The following CALN1 variants were observed in gnomAD, a reference collection of about 807,000 sequenced individuals.
CALN1 encodes the protein calneuron 1.
In CALN1, 17 loss-of-function variants were observed where a neutral mutation model predicts 30.6. The ratio of observed to expected loss-of-function variants is 0.56; its 90% CI spans 0.38 to 0.83. The LOEUF is 0.83. CALN1 is among the 40% of genes least tolerant of loss of function. The probability of loss-of-function intolerance (pLI) is 0.00; values close to 1 mark genes in which losing one functional copy is unlikely to be tolerated. For missense variants in CALN1, 291 were observed against 354.9 expected, an observed-to-expected ratio of 0.82 and a Z score of 1.45; for synonymous variants, 156 against 131.4, an observed-to-expected ratio of 1.19 and a Z score of -1.28.
chr7:72,018,877 C>T (rs1295044398), intron 5 of CALN1, among the ~76,000 whole-genome samples: 1 of 152,116 alleles, frequency 6.6e-6, no homozygotes, highest in Non-Finnish European at 1.5e-5. Flanking sequence ...TGCTCTGTCA[C>T]CCAGGCTGGA....
chr7:72,273,107 G>A (rs768660873), intron 3 of CALN1, among the ~76,000 whole-genome samples: 1 of 151,204 alleles, frequency 6.6e-6, no homozygotes, highest in African/African-American at 2.4e-5. Flanking sequence ...AACTGGAGAC[G>A]GCATGCATAT....
chr7:72,375,854 T>TA (rs1804526797), intron 2 of CALN1, among the ~76,000 whole-genome samples: 1 of 152,190 alleles, frequency 6.6e-6, no homozygotes, highest in African/African-American at 2.4e-5. Context: ...GTATAACTAT[T>TA]ACAACTATCT....
At chr7:72,130,288 G>T (rs1809046387) in intron 3 of CALN1, among the ~76,000 whole-genome samples, 1 of 152,186 alleles carries the variant, frequency 6.6e-6, no homozygotes, top group African/African-American at 2.4e-5. Context: ...TGGACTAAGA[G>T]CTGTTAAAAG....
intron 3 of CALN1, among the ~76,000 whole-genome samples, chr7:72,175,271 C>T (rs1789269073): frequency 6.6e-6 from 1 of 152,162 alleles, no homozygotes; most frequent in Non-Finnish European, 1.5e-5. Context: ...GACAGGGTTT[C>T]ACCGTGTTAG....
intron 5 of CALN1, among the ~76,000 whole-genome samples, chr7:71,866,475 A>G (rs1339036127): frequency 6.6e-6 from 1 of 152,150 alleles, no homozygotes; most frequent in Non-Finnish European, 1.5e-5. Flanking sequence ...ATGGAACTGT[A>G]AAGTAAGTAG....
intron 5 of CALN1, among the ~76,000 whole-genome samples, chr7:71,929,499 G>A (rs1256626152): frequency 6.6e-6 from 1 of 152,158 alleles, no homozygotes; most frequent in Non-Finnish European, 1.5e-5. Context: ...TGTATTCCAT[G>A]GTGTATATGT....
At chr7:72,269,725 A>C (rs1012710884) in intron 3 of CALN1, among the ~76,000 whole-genome samples, 2 of 152,232 alleles carry the variant, frequency 1.3e-5, no homozygotes, top group African/African-American at 4.8e-5. Flanking sequence ...CACTCTTCAG[A>C]GAAAGATAAC....
chr7:72,099,613 T>C (rs1806500459), intron 4 of CALN1, among the ~76,000 whole-genome samples: 1 of 152,126 alleles, frequency 6.6e-6, no homozygotes, highest in Non-Finnish European at 1.5e-5. Context: ...CACTTCAACC[T>C]CAGACTGGGC....
At chr7:72,101,527 C>T (rs137954035) in intron 4 of CALN1, among the ~76,000 whole-genome samples, 1 of 152,234 alleles carries the variant, frequency 6.6e-6, no homozygotes, top group Non-Finnish European at 1.5e-5. Flanking sequence ...GGAGAACAAG[C>T]TGAGAACCGC....
At chr7:72,119,425 C>CG (rs1808223537) in intron 3 of CALN1, among the ~76,000 whole-genome samples, 1 of 151,976 alleles carries the variant, frequency 6.6e-6, no homozygotes, top group South Asian at 2.1e-4. Context: ...AACCTCCCAC[C>CG]GGGTCCCTCC....
intron 2 of CALN1, among the ~76,000 whole-genome samples, chr7:72,328,925 G>A (rs1321389928): frequency 1.3e-5 from 2 of 152,254 alleles, no homozygotes; most frequent in African/African-American, 4.8e-5. Flanking sequence ...TTGAACTCCT[G>A]ACCTCAGCTG....
intron 3 of CALN1, among the ~76,000 whole-genome samples, chr7:72,254,069 CTG>C (rs1795747762): frequency 6.6e-6 from 1 of 152,060 alleles, no homozygotes; most frequent in Non-Finnish European, 1.5e-5. Context: ...AGAAGGCAAA[CTG>C]AGGCTCCATT....
chr7:72,160,489 G>A (rs2129544796), intron 3 of CALN1, among the ~76,000 whole-genome samples: 1 of 152,034 alleles, frequency 6.6e-6, no homozygotes, highest in Non-Finnish European at 1.5e-5. Flanking sequence ...ATGTTGGCCA[G>A]GCTGGTCTCA....
intron 2 of CALN1, among the ~76,000 whole-genome samples, chr7:72,328,333 A>G (rs1174297176): frequency 2.0e-5 from 3 of 152,140 alleles, no homozygotes; most frequent in Admixed American, 2.0e-4. Flanking sequence ...ATGGTAGTGA[A>G]TAAGTCTGAT....
rs146702050 is a variant in CALN1 at position 72,279,783 on chromosome 7, G to A, written c.120-973C>T. 1.6e-4 allele frequency among the ~76,000 whole-genome samples: 25 copies of A among 152,330 alleles called. No homozygotes were observed. The East Asian group carries it at 3.9e-3, about 23-fold the overall frequency. On this transcript the variant is annotated intron_variant, in intron 2 of 6. Coordinates refer to ENST00000395275, the MANE Select transcript of CALN1 (RefSeq NM_031468.4). Reference sequence around the variant, plus strand: ...CCCAACTTGTCTAATGATGCTCTCCGTGACTTTGAACAAGACGCCGAATGC... The same window carrying A: ...CCCAACTTGTCTAATGATGCTCTCCATGACTTTGAACAAGACGCCGAATGC...
At chr7:72,308,216 T>A (rs371215518) in intron 2 of CALN1, among the ~76,000 whole-genome samples, 1 of 151,950 alleles carries the variant, frequency 6.6e-6, no homozygotes, top group Non-Finnish European at 1.5e-5. Context: ...ATACAAAAAT[T>A]AGCCAGGCAT....
At chr7:72,454,625 C>T in the CALN1 span, among the ~76,000 whole-genome samples, 1 of 152,186 alleles carries the variant, frequency 6.6e-6, no homozygotes, top group Non-Finnish European at 1.5e-5. Context: ...TATTCCTTCA[C>T]TACAGGAAGG....
chr7:72,212,375 G>A (rs909232084), intron 3 of CALN1, among the ~76,000 whole-genome samples: 20 of 149,318 alleles, frequency 1.3e-4, no homozygotes, highest in Non-Finnish European at 2.7e-4. Context: ...AAATACCAGA[G>A]GGGGGAAGAA....
intron 4 of CALN1, among the ~76,000 whole-genome samples, chr7:72,096,483 C>T (rs1806243418): frequency 6.8e-6 from 1 of 147,118 alleles, no homozygotes; most frequent in South Asian, 2.1e-4. Context: ...GGACAGATTG[C>T]TGCACAATAA....
Sources: allele counts gnomAD v4.1 joint callset (sites outside exome capture counted in the v4.1 genomes callset), GRCh38; gene constraint gnomAD v4.1.1; transcripts MANE v1.5; gene names NCBI Gene and HGNC (gene_info 2026-07-23, HGNC 2026-07-21).